The following RDH12 variants were observed in gnomAD, a reference collection of about 807,000 sequenced individuals.
The protein encoded by RDH12 is all-trans and 9-cis retinol dehydrogenase.
Under a neutral mutation model 34.0 loss-of-function variants are expected in RDH12, and 21 were observed. That is an observed-to-expected ratio of 0.62 (90% confidence interval 0.44 to 0.89). The LOEUF is 0.89. Among genes scored for constraint, RDH12 ranks in the 40% least tolerant of loss-of-function variants. The pLI, the probability that RDH12 is intolerant of heterozygous loss-of-function variation, is 0.00. For synonymous variants in RDH12, 198 were observed against 169.9 expected, an observed-to-expected ratio of 1.17 and a Z score of -1.29; for missense variants, 394 against 398.6, an observed-to-expected ratio of 0.99 and a Z score of 0.10.
At chr14:67,732,978 G>C (rs118036936) in intron 8 of RDH12, among the ~76,000 whole-genome samples, 3,755 of 152,166 alleles carry the variant, frequency 0.025, 61 homozygotes, top group Middle Eastern at 0.034. Context: ...AAAAAACATG[G>C]GGGGAGCGGG....
intron 1 of RDH12, among the ~76,000 whole-genome samples, chr14:67,709,477 T>G (rs1010596800): frequency 6.6e-6 from 1 of 152,248 alleles, no homozygotes. Flanking sequence ...AAGAAAACCT[T>G]GTTAATCTGA....
intron 4 of RDH12, among the ~76,000 whole-genome samples, 184 bp downstream of exon 4, chr14:67,724,775 C>T (rs538561138): frequency 7.0e-4 from 107 of 152,352 alleles, no homozygotes; most frequent in African/African-American, 2.5e-3. Context: ...TAAACTGCTT[C>T]TTTCCTATTC....
chr14:67,722,816 A>G, intron 3 of RDH12, 106 bp downstream of exon 3: 1 of 980,708 alleles, frequency 1.0e-6, no homozygotes, highest in Admixed American at 1.7e-5. Context: ...GACAGAGGAG[A>G]AAGTCAGGGC....
At chr14:67,706,403 G>T (rs1490379875) in intron 1 of RDH12, among the ~76,000 whole-genome samples, 1 of 152,210 alleles carries the variant, frequency 6.6e-6, no homozygotes, top group Non-Finnish European at 1.5e-5. Context: ...AGCCTTCGGA[G>T]GGCCTGACAA....
chr14:67,725,736 G>A (rs145638834), intron 5 of RDH12, among the ~76,000 whole-genome samples: 40 of 152,280 alleles, frequency 2.6e-4, no homozygotes, highest in African/African-American at 8.2e-4. Flanking sequence ...GCTCAGAGTC[G>A]GTAGTTAGTA....
At chr14:67,713,850 G>T (rs898310910) in intron 1 of RDH12, among the ~76,000 whole-genome samples, 1 of 152,072 alleles carries the variant, frequency 6.6e-6, no homozygotes, top group Non-Finnish European at 1.5e-5. Context: ...GGGACAACTC[G>T]AAGCAGGGAG....
rs2038234886 is a variant in RDH12, at chr14:67,729,283, T to C, written c.751T>C (p.Phe251Leu). 14 of 1,605,048 alleles carry C rather than the reference T, an allele frequency of 8.7e-6. No homozygotes were observed. Among genetic ancestry groups the C allele is most frequent in the Non-Finnish European group, 1.2e-5 (14 of 1,179,966 alleles). The change falls in exon 8 of 9, where the codon TTC (phenylalanine) becomes CTC (leucine). Residue 251 changes from phenylalanine to leucine, a missense_variant. Coordinates refer to ENST00000551171, the MANE Select transcript of RDH12 (RefSeq NM_152443.3). ...SSLLCLLWRL[F>L]SPFVKTAREG... Reference sequence around the variant, plus strand: ...CCTGCTCTGCCTGCTCTGGCGGCTCTTCTCCCCCTTTGTCAAGACGGCACG... The same window carrying C: ...CCTGCTCTGCCTGCTCTGGCGGCTCCTCTCCCCCTTTGTCAAGACGGCACG...
In RDH12 at chr14:67,724,571, C is replaced by T. The variant is rs781279126; in HGVS notation, c.167C>T (p.Ala56Val). Residue 56 changes from alanine to valine, a missense_variant, in exon 4 of 9, where the codon GCC becomes GTC. Coordinates refer to ENST00000551171, the MANE Select transcript of RDH12 (RefSeq NM_152443.3). ...GANTGIGKETARELASRGARV... is the reference protein window; with the variant it reads ...GANTGIGKETVRELASRGARV... The stretch of plus-strand genomic sequence containing the variant: ...AACACGGGCATTGGCAAGGAGACGG[C>T]CAGAGAGCTCGCTAGCCGAGGTAAG... The T allele has an allele frequency of 3.7e-6, 6 of 1,613,332 alleles. No individual in the cohort carries two copies. Among genetic ancestry groups the T allele is most frequent in the Non-Finnish European group, 4.2e-6 (5 of 1,179,424 alleles).
At position 67,711,897 on chromosome 14, in the gene RDH12, A is replaced by T. The variant is rs547828682; in HGVS notation, c.-274-8951A>T. ...ATCTATCATAGGATTGTATAAGGAG[A>T]CAAATTTTATTTAGATAGGGACTAC... On this transcript the variant is annotated intron_variant, in intron 1 of 8. Transcript: ENST00000551171. Among the ~76,000 whole-genome samples, 26 of 152,276 alleles carry T rather than the reference A, an allele frequency of 1.7e-4. No individual in the cohort carries two copies. The South Asian group carries it at 5.4e-3, about 32-fold the overall frequency.
intron 6 of RDH12, 67 bp downstream of exon 6, chr14:67,726,222 G>A: frequency 1.1e-6 from 1 of 952,126 alleles, no homozygotes; most frequent in Non-Finnish European, 1.7e-6. Context: ...AGATGACACT[G>A]TGTAAATGTG....
intron 1 of RDH12, among the ~76,000 whole-genome samples, chr14:67,708,386 A>G (rs1011910710): frequency 6.6e-6 from 1 of 152,112 alleles, no homozygotes; most frequent in Non-Finnish European, 1.5e-5. Context: ...TAAGGTTACA[A>G]TCTCCAAAGT....
In RDH12 at chr14:67,729,336, C is replaced by G. The variant is rs1289952536; in HGVS notation, c.804C>G (p.Cys268Trp). The change falls in exon 8 of 9, where the codon TGC becomes TGG. Residue 268 changes from cysteine to tryptophan, a missense_variant. By Grantham distance (215) the Cys-to-Trp change is radical. Coordinates refer to ENST00000551171, the MANE Select transcript of RDH12 (RefSeq NM_152443.3). Reference protein sequence around the residue: ...AREGAQTSLHCALAEGLEPLS... With the variant: ...AREGAQTSLHWALAEGLEPLS... ...AGGGGGCGCAGACCAGCCTGCACTGCGCCCTGGCTGAGGGCCTGGAGCCCC... is the reference window on the plus strand; with the variant it reads ...AGGGGGCGCAGACCAGCCTGCACTGGGCCCTGGCTGAGGGCCTGGAGCCCC... 6.3e-7 allele frequency: 1 copy of G among 1,599,118 alleles called. No homozygotes were observed. The highest frequency in any genetic ancestry group is 1.1e-5 in the South Asian group (1 of 90,992).
At chr14:67,706,037 C>T (rs2037946996) in intron 1 of RDH12, 1 of 152,146 alleles carries the variant, frequency 6.6e-6, no homozygotes, top group Non-Finnish European at 1.5e-5. Flanking sequence ...ACGTTCTGGG[C>T]TTGTAGTGTA....
At chr14:67,724,864 C>G (rs151095469) in intron 4 of RDH12, among the ~76,000 whole-genome samples, 3 of 152,308 alleles carry the variant, frequency 2.0e-5, no homozygotes, top group Non-Finnish European at 4.4e-5. Flanking sequence ...TACTAAGTGA[C>G]ATTAAATATC....
chr14:67,732,986 G>A (rs1314116592), intron 8 of RDH12, among the ~76,000 whole-genome samples: 1 of 152,058 alleles, frequency 6.6e-6, no homozygotes, highest in African/African-American at 2.4e-5. Flanking sequence ...TGGGGGGAGC[G>A]GGGAGGGATA....
chr14:67,724,393 T>G (rs1594864932), intron 3 of RDH12, 80 bp from the exon 4 acceptor site: 1 of 282 alleles, frequency 3.5e-3, no homozygotes, highest in African/African-American at 7.2e-3. Context: ...CTGGATAGAG[T>G]TTTTTTTTTT....
chr14:67,726,981 G>A lies in RDH12; in HGVS notation c.449G>A (p.Gly150Asp). The part of the protein sequence containing the change: ...FETHLGVNHL[G>D]HFLLTYLLLE... ...TCTTCCCTGCTGGCTCTCCTCACAG[G>A]CCACTTCCTCCTCACCTACCTGCTC... is the stretch of plus-strand genomic sequence containing the variant. Residue 150 changes from glycine to aspartate, a missense_variant and splice_region_variant, in exon 7 of 9, where the codon GGC (glycine) becomes GAC (aspartate). Gly to Asp is a moderately conservative substitution (Grantham distance 94). Transcript: ENST00000551171. The A allele has an allele frequency of 6.2e-7, 1 of 1,612,156 alleles. No homozygotes were observed.
intron 8 of RDH12, among the ~76,000 whole-genome samples, chr14:67,732,481 T>A (rs2038293331): frequency 6.9e-6 from 1 of 145,784 alleles, no homozygotes; most frequent in African/African-American, 2.5e-5. Flanking sequence ...ATCCCGGTTT[T>A]ATGTAAGAGA....
rs181687410 is a variant in RDH12, at chr14:67,708,917, C to T, written c.-275+6982C>T. ...AAGTGATTCTCCTGCCTCAGCCTCACGAGTAGCTGGGACTACAGGCATGCG... is the reference window on the plus strand; with the variant it reads ...AAGTGATTCTCCTGCCTCAGCCTCATGAGTAGCTGGGACTACAGGCATGCG... On this transcript the variant is annotated intron_variant, in intron 1 of 8. Transcript: ENST00000551171. 2.8e-3 allele frequency among the ~76,000 whole-genome samples: 420 copies of T among 151,768 alleles called. 1 individual carries two copies. The highest frequency in any genetic ancestry group is 9.1e-3 in the African/African-American group (377 of 41,388).
Sources: gnomAD v4.1 joint callset for allele counts (sites outside exome capture counted in the v4.1 genomes callset) on GRCh38, gnomAD v4.1.1 for gene constraint, MANE v1.5 for transcripts, NCBI Gene and HGNC (gene_info 2026-07-23, HGNC 2026-07-21) for gene names.